The following SNX9 variants were observed in gnomAD, a reference collection of about 807,000 sequenced individuals.
SNX9 encodes sorting nexin 9, also known as sorting nexin-9.
A neutral mutation model predicts 89.4 loss-of-function variants in SNX9; 44 were observed. The ratio of observed to expected loss-of-function variants is 0.49; its 90% CI spans 0.39 to 0.63. The LOEUF is 0.63. Among genes scored for constraint, SNX9 ranks in the 30% least tolerant of loss-of-function variants. The probability of loss-of-function intolerance (pLI) is 0.00; values close to 1 mark genes in which losing one functional copy is unlikely to be tolerated. For synonymous variants in SNX9, 236 were observed against 247.8 expected (o/e 0.95, Z 0.45); for missense variants, 578 against 736.1 (o/e 0.79, Z 2.49).
At chr6:157,873,388 G>A (rs9355425) in intron 3 of SNX9, among the ~76,000 whole-genome samples, 43,828 of 149,956 alleles carry the variant, frequency 0.29, 7,427 homozygotes, top group African/African-American at 0.47. Context: ...AATGACTACA[G>A]ATATTTAGGT....
Position 157,928,687 on chromosome 6 carries a change from A to T in SNX9, c.1273A>T (p.Lys425Ter). ...GCTGACGGTGGGGCAGGAGCACTGGAAGCGCTGCACGGGCCGTAAGTCCAC... is the reference window on the plus strand; with the variant it reads ...GCTGACGGTGGGGCAGGAGCACTGGTAGCGCTGCACGGGCCGTAAGTCCAC... ...ELLTVGQEHWKRCTGPLPKEY... is the reference protein window; with the variant it reads ...ELLTVGQEHW The change falls in exon 12 of 18, where the codon AAG becomes TAG. Residue 425 changes from lysine (K) to a stop codon, truncating the protein, a stop_gained. Coordinates refer to ENST00000392185, the MANE Select transcript of SNX9 (RefSeq NM_016224.5). LOFTEE classifies it high-confidence loss of function. The T allele has an allele frequency of 5.6e-6, 9 of 1,604,928 alleles. No individual in the cohort carries two copies. The highest frequency in any genetic ancestry group is 7.7e-6 in the Non-Finnish European group (9 of 1,176,056).
intron 13 of SNX9, chr6:157,934,405 CAAATTT>C (rs1252506422): frequency 6.6e-6 from 1 of 151,862 alleles, no homozygotes; most frequent in Non-Finnish European, 1.5e-5. Flanking sequence ...TATTAGAAAA[CAAATTT>C]AAATCAAAAT....
chr6:157,882,107 G>A lies in SNX9; in HGVS notation c.300+6931G>A, dbSNP rs541187861. Among the ~76,000 whole-genome samples the A allele has an allele frequency of 4.6e-5, 7 of 152,226 alleles. No homozygotes were observed. In the South Asian group the frequency reaches 8.3e-4, roughly 18 times the overall value. On this transcript the variant is annotated intron_variant, in intron 4 of 17. Coordinates refer to ENST00000392185, the MANE Select transcript of SNX9 (RefSeq NM_016224.5). The stretch of plus-strand genomic sequence containing the variant: ...CTGACTCTCTTTAAGGGGCTAATGC[G>A]GCTGGTAACTTTATGTTGAAACCAG...
At chr6:157,917,705 C>T (rs1783501491) in intron 9 of SNX9, among the ~76,000 whole-genome samples, 1 of 152,048 alleles carries the variant, frequency 6.6e-6, no homozygotes, top group Non-Finnish European at 1.5e-5. Flanking sequence ...TAAATCATCT[C>T]TAGATTAATT....
intron 9 of SNX9, among the ~76,000 whole-genome samples, chr6:157,915,658 C>CACACATATATATATAT (rs1562617069): frequency 3.2e-4 from 35 of 110,968 alleles, no homozygotes; most frequent in Non-Finnish European, 3.9e-4. Flanking sequence ...TATATATATA[C>CACACATATATATATAT]ACACACACAC....
chr6:157,873,040 TTTCTC>T, intron 2 of SNX9, 57 bp from the exon 3 acceptor site: 1 of 1,399,624 alleles, frequency 7.1e-7, no homozygotes, highest in Non-Finnish European at 9.6e-7. Context: ...CCACACAAAA[TTTCTC>T]CAGGAAATCT....
At chr6:157,919,049 G>T (rs1783530353) in intron 9 of SNX9, among the ~76,000 whole-genome samples, 1 of 151,988 alleles carries the variant, frequency 6.6e-6, no homozygotes, top group Non-Finnish European at 1.5e-5. Flanking sequence ...TATATTTCCG[G>T]TGCTGCTTAT....
At chr6:157,936,109 C>A in intron 14 of SNX9, 69 bp downstream of exon 14, 1 of 1,286,300 alleles carries the variant, frequency 7.8e-7, no homozygotes, top group Non-Finnish European at 1.1e-6. Context: ...AATTTAAAAC[C>A]TGTCTTAGGA....
At chr6:157,937,906 A>G (rs1204919131) in intron 15 of SNX9, among the ~76,000 whole-genome samples, 1 of 152,258 alleles carries the variant, frequency 6.6e-6, no homozygotes, top group Non-Finnish European at 1.5e-5. Flanking sequence ...CTTAAATATC[A>G]TGAAGGGGTA....
At chr6:157,848,784 A>G (rs945625965) in intron 1 of SNX9, among the ~76,000 whole-genome samples, 2 of 152,196 alleles carry the variant, frequency 1.3e-5, no homozygotes, top group African/African-American at 4.8e-5. Flanking sequence ...CCGTAAAATG[A>G]TAGGGGAAGG....
chr6:157,823,339 G>A lies in SNX9; in HGVS notation c.-96G>A. On this transcript the variant is annotated 5_prime_UTR_variant, in exon 1 of 18. Transcript: ENST00000392185. This position sits in a 1 kb window ranked among gnomAD's most constrained non-coding sequence, Gnocchi z 4.6. ...GCCGCGCCGGGGCCCAGCCGGAGCCGCCGCCCTCGCCCTTGCCTTTGCCTG... is the reference window on the plus strand; with the variant it reads ...GCCGCGCCGGGGCCCAGCCGGAGCCACCGCCCTCGCCCTTGCCTTTGCCTG... 2 of 1,111,100 alleles carry A rather than the reference G, an allele frequency of 1.8e-6. No individual in the cohort carries two copies. The highest frequency in any genetic ancestry group is 2.2e-6 in the Non-Finnish European group (2 of 891,158). The allele number at this position is 1,111,100 out of a possible 1,614,324, so 68.8% of individuals were successfully genotyped here. A position where few individuals can be genotyped will look rare whatever the true frequency, so the allele number is the denominator to read the frequency against.
At chr6:157,907,819 G>T (rs1583230263) in intron 7 of SNX9, among the ~76,000 whole-genome samples, 1 of 152,332 alleles carries the variant, frequency 6.6e-6, no homozygotes, top group East Asian at 1.9e-4. Context: ...CAGTAACCTT[G>T]CCCACTCATG....
chr6:157,898,825 G>C (rs1260895775), intron 5 of SNX9, among the ~76,000 whole-genome samples: 1 of 152,198 alleles, frequency 6.6e-6, no homozygotes, highest in Non-Finnish European at 1.5e-5. Context: ...GCAGGGTGCA[G>C]GTCCCGGCTG....
intron 1 of SNX9, among the ~76,000 whole-genome samples, chr6:157,845,240 C>T (rs1400444725): frequency 1.3e-5 from 2 of 151,900 alleles, no homozygotes; most frequent in Non-Finnish European, 2.9e-5. Flanking sequence ...TTCCGAATAG[C>T]TGGGCTTACA....
intron 6 of SNX9, among the ~76,000 whole-genome samples, chr6:157,905,664 G>A (rs1479891798): frequency 1.3e-5 from 2 of 151,960 alleles, no homozygotes; most frequent in Admixed American, 1.3e-4. Flanking sequence ...ATGCTGATGA[G>A]CAGGACAGCC....
intron 3 of SNX9, among the ~76,000 whole-genome samples, 179 bp downstream of exon 3, chr6:157,873,355 A>T (rs1223443239): frequency 6.6e-6 from 1 of 150,880 alleles, no homozygotes. Context: ...GAAAAATATT[A>T]CCTGTAGACC....
intron 1 of SNX9, chr6:157,829,404 A>G (rs1382042552): frequency 6.6e-6 from 1 of 152,198 alleles, no homozygotes; most frequent in East Asian, 1.9e-4. Context: ...TGTTGAGGCT[A>G]ACTTTATTCC....
intron 6 of SNX9, among the ~76,000 whole-genome samples, chr6:157,904,573 C>T (rs1320342932): frequency 6.6e-6 from 1 of 151,898 alleles, no homozygotes; most frequent in African/African-American, 2.4e-5. Flanking sequence ...ATATAATCCC[C>T]ACAGAAGCGC....
chr6:157,830,081 C>T (rs1781453670), intron 1 of SNX9: 1 of 152,080 alleles, frequency 6.6e-6, no homozygotes, highest in Non-Finnish European at 1.5e-5. Flanking sequence ...CAATTATTGC[C>T]CAGTATTTTA....
Sources: gnomAD v4.1 joint callset for allele counts (sites outside exome capture counted in the v4.1 genomes callset) on GRCh38, gnomAD v4.1.1 for gene constraint, Gnocchi (gnomAD v3.1) non-coding constraint, MANE v1.5 for transcripts, NCBI Gene and HGNC (gene_info 2026-07-23, HGNC 2026-07-21) for gene names.